Variants in PSKH1 observed in about 807,000 individuals in gnomAD.
PSKH1 encodes protein serine kinase H1.
A neutral mutation model predicts 26.7 loss-of-function variants in PSKH1; 12 were observed. The observed-to-expected ratio is 0.45, with a 90% CI of 0.29 to 0.73. PSKH1 has a LOEUF of 0.73. Among genes scored for constraint, PSKH1 ranks in the 30% least tolerant of loss-of-function variants. The pLI is 0.11. For missense variants in PSKH1, 431 were observed against 595.2 expected, an observed-to-expected ratio of 0.72 and a Z score of 2.87; for synonymous variants, 213 against 234.3, an observed-to-expected ratio of 0.91 and a Z score of 0.83.
At chr16:67,922,674 C>G (rs911009170) in intron 2 of PSKH1, among the ~76,000 whole-genome samples, 1 of 152,192 alleles carries the variant, frequency 6.6e-6, no homozygotes, top group African/African-American at 2.4e-5. Context: ...ACATTCAGCC[C>G]CTTCCTCGTG....
chr16:67,908,579 T>G, intron 1 of PSKH1, 101 bp from the exon 2 acceptor site: 1 of 589,338 alleles, frequency 1.7e-6, no homozygotes, highest in South Asian at 2.6e-5. Context: ...AGGAGTTTGG[T>G]TTTAATGAGA....
At chr16:67,926,528 C>T (rs573792795) in intron 2 of PSKH1, among the ~76,000 whole-genome samples, 4 of 152,302 alleles carry the variant, frequency 2.6e-5, no homozygotes, top group Non-Finnish European at 4.4e-5. Flanking sequence ...TGAAGACAGC[C>T]GTACAACCTG....
rs914049069 is a variant in PSKH1 at position 67,893,275 on chromosome 16, A to G, written c.-167A>G. On this transcript the variant is annotated 5_prime_UTR_variant, in exon 1 of 3. Transcript: ENST00000291041. ...TGACGCCACGACGCTAACGCCCGAG[A>G]ATGGCGGCGGCGGCGGCGGCGGCGG... 25 of 155,930 alleles carry G rather than the reference A, an allele frequency of 1.6e-4. No individual in the cohort carries two copies. The highest frequency in any genetic ancestry group is 3.3e-4 in the Non-Finnish European group (25 of 75,094). The allele number at this position is 155,930 out of a possible 1,614,324, so 9.7% of individuals were successfully genotyped here.
At chr16:67,915,497 C>A (rs1032163885) in intron 2 of PSKH1, among the ~76,000 whole-genome samples, 13 of 152,110 alleles carry the variant, frequency 8.5e-5, no homozygotes, top group Admixed American at 5.2e-4. Flanking sequence ...GAACATCCAG[C>A]AGACCCTCAG....
At chr16:67,926,666 C>T (rs545036799) in intron 2 of PSKH1, among the ~76,000 whole-genome samples, 3 of 152,252 alleles carry the variant, frequency 2.0e-5, no homozygotes, top group Admixed American at 6.5e-5. Context: ...TGGCGCACAG[C>T]ACTGCCAGGA....
rs147537831 is a variant in PSKH1, at chr16:67,925,917, C to CT, written c.958-1407dup. Reference sequence around the variant, plus strand: ...AGAGTTGGAGGTCAGGCGAGCCAGACTGGGAGTAGCAGTAGTCAGTGAGTG... The same window carrying CT: ...AGAGTTGGAGGTCAGGCGAGCCAGACTTGGGAGTAGCAGTAGTCAGTGAGTG... On this transcript the variant is annotated intron_variant, in intron 2 of 2. Transcript: ENST00000291041. Among the ~76,000 whole-genome samples, 1,469 of 152,036 alleles carry CT rather than the reference C, an allele frequency of 9.7e-3. 22 individuals carry two copies. The highest frequency in any genetic ancestry group is 0.033 in the African/African-American group (1,371 of 41,466).
At chr16:67,926,594 G>A (rs2058217170) in intron 2 of PSKH1, among the ~76,000 whole-genome samples, 2 of 152,174 alleles carry the variant, frequency 1.3e-5, no homozygotes, top group Admixed American at 6.5e-5. Context: ...AGCCCGGGGT[G>A]CATGTGGCAG....
At chr16:67,907,387 A>G (rs2058159547) in intron 1 of PSKH1, among the ~76,000 whole-genome samples, 1 of 151,664 alleles carries the variant, frequency 6.6e-6, no homozygotes, top group East Asian at 1.9e-4. Context: ...CAGCCCCCCA[A>G]GTGGCTGGGA....
chr16:67,924,786 A>C lies in PSKH1; in HGVS notation c.958-2539A>C, dbSNP rs1236624336. On this transcript the variant is annotated intron_variant, in intron 2 of 2. Transcript: ENST00000291041. ...AGACTGTAGAAGGCCAGCAGGCAGC[A>C]GAGGTGTCCCCTGACCCACTCTGTT... Among the ~76,000 whole-genome samples the C allele has an allele frequency of 5.3e-5, 8 of 152,242 alleles. No individual in the cohort carries two copies. The East Asian group carries it at 1.5e-3, about 29-fold the overall frequency.
At chr16:67,894,061 C>T (rs760409559) in intron 1 of PSKH1, among the ~76,000 whole-genome samples, 8 of 152,196 alleles carry the variant, frequency 5.3e-5, no homozygotes, top group Non-Finnish European at 1.2e-4. Context: ...TTTAACCAGC[C>T]AATCAACACC....
intron 2 of PSKH1, among the ~76,000 whole-genome samples, chr16:67,922,480 T>C (rs373541862): frequency 1.3e-5 from 2 of 152,284 alleles, no homozygotes; most frequent in East Asian, 3.9e-4. Context: ...AGAAGCACTG[T>C]GGTGGGGCCA....
chr16:67,915,387 T>C (rs1202123980), intron 2 of PSKH1, among the ~76,000 whole-genome samples: 1 of 151,996 alleles, frequency 6.6e-6, no homozygotes, highest in East Asian at 1.9e-4. Flanking sequence ...AAAATCAGAT[T>C]CTATCACCCG....
chr16:67,920,833 T>C lies in PSKH1; in HGVS notation c.958-6492T>C, dbSNP rs565427391. ...AGCCAGCTTGGAGCAGAAGGCTTAG[T>C]CACATTCATCTCTTCATTCTTCCTC... On this transcript the variant is annotated intron_variant, in intron 2 of 2. Transcript: ENST00000291041. 3.3e-5 allele frequency among the ~76,000 whole-genome samples: 5 copies of C among 152,200 alleles called. 1 individual carries two copies. The highest frequency in any genetic ancestry group is 7.3e-5 in the Non-Finnish European group (5 of 68,034).
chr16:67,895,613 T>C (rs1420958889), intron 1 of PSKH1, among the ~76,000 whole-genome samples: 3 of 152,130 alleles, frequency 2.0e-5, no homozygotes, highest in Non-Finnish European at 4.4e-5. Context: ...TTCATCCTGT[T>C]GGCCAGGCTG....
At chr16:67,894,530 T>TA in intron 1 of PSKH1, among the ~76,000 whole-genome samples, 1 of 152,306 alleles carries the variant, frequency 6.6e-6, no homozygotes, top group Middle Eastern at 3.4e-3. Context: ...GTTGGAAACT[T>TA]ACATCTGTCC....
intron 1 of PSKH1, among the ~76,000 whole-genome samples, chr16:67,895,771 G>A (rs1476163634): frequency 1.3e-5 from 2 of 152,160 alleles, no homozygotes; most frequent in African/African-American, 4.8e-5. Flanking sequence ...GAAGATCTTT[G>A]TCATTGCCTA....
chr16:67,917,141 C>T (rs2058190140), intron 2 of PSKH1, among the ~76,000 whole-genome samples: 1 of 152,250 alleles, frequency 6.6e-6, no homozygotes, highest in African/African-American at 2.4e-5. Context: ...TCTACACCCC[C>T]CATCTCCAAT....
At chr16:67,924,478 G>C (rs915592100) in intron 2 of PSKH1, among the ~76,000 whole-genome samples, 3 of 152,190 alleles carry the variant, frequency 2.0e-5, no homozygotes, top group Non-Finnish European at 2.9e-5. Context: ...CTGGGGAGAG[G>C]CCCCTCCAAG....
At chr16:67,898,539 C>T in intron 1 of PSKH1, among the ~76,000 whole-genome samples, 1 of 152,268 alleles carries the variant, frequency 6.6e-6, no homozygotes, top group South Asian at 2.1e-4. Context: ...TTGTGTGCCA[C>T]TGCGTCCAGC....
Sources: allele counts gnomAD v4.1 joint callset (sites outside exome capture counted in the v4.1 genomes callset), GRCh38; gene constraint gnomAD v4.1.1; transcripts MANE v1.5; gene names NCBI Gene and HGNC (gene_info 2026-07-23, HGNC 2026-07-21).